SEC24D: variants seen among roughly 807,000 people sequenced by gnomAD.
The protein encoded by SEC24D is protein transport protein Sec24D.
Under a neutral mutation model 116.9 loss-of-function variants are expected in SEC24D, and 69 were observed. The ratio of observed to expected loss-of-function variants is 0.59; its 90% confidence interval spans 0.49 to 0.72. SEC24D has a LOEUF of 0.72. Among genes scored for constraint, SEC24D ranks in the 30% least tolerant of loss-of-function variants. The pLI is 0.00. For missense variants in SEC24D, 1,131 were observed against 1,264.1 expected (o/e 0.89, Z 1.60); for synonymous variants, 405 against 442.8 (o/e 0.91, Z 1.07).
chr4:118,745,062 T>TAAAAA lies in SEC24D; in HGVS notation c.1708-7_1708-3dup. ...CAGCTTCCCAGGACAGTCTGCTGCC[T>TAAAAA]AAAAAAAAAAAAAAACCCAAAAACC... On this transcript the variant is annotated splice_region_variant and splice_polypyrimidine_tract_variant and intron_variant, in intron 13 of 22. Coordinates refer to ENST00000280551, the MANE Select transcript of SEC24D (RefSeq NM_014822.4). 4.1e-6 allele frequency: 5 copies of TAAAAA among 1,233,738 alleles called. No individual in the cohort carries two copies. The highest frequency in any genetic ancestry group is 4.4e-6 in the Non-Finnish European group (4 of 907,874). The allele number at this position is 1,233,738 out of a possible 1,614,324, so 76.4% of individuals were successfully genotyped here. A position where few individuals can be genotyped will look rare whatever the true frequency, so the allele number is the denominator to read the frequency against.
Position 118,815,266 on chromosome 4 carries a change from A to G in SEC24D, c.674-111T>C, listed in dbSNP as rs909212149. On this transcript the variant is annotated intron_variant, in intron 5 of 22. Transcript: ENST00000280551. Reference sequence around the variant, plus strand: ...AGCATGTTGTATTTTTCATCTTATTAAAAAAAGCAAGGAGTCAAGTATGAG... The same window carrying G: ...AGCATGTTGTATTTTTCATCTTATTGAAAAAAGCAAGGAGTCAAGTATGAG... 1.6e-4 allele frequency: 231 copies of G among 1,431,404 alleles called. 1 individual carries two copies. The highest frequency in any genetic ancestry group is 9.9e-4 in the Middle Eastern group (4 of 4,038). 88.7% of individuals were successfully genotyped at this position (1,431,404 alleles called of 1,614,324 possible).
intron 22 of SEC24D, among the ~76,000 whole-genome samples, chr4:118,727,482 G>T (rs972573922): frequency 4.6e-5 from 7 of 152,028 alleles, no homozygotes; most frequent in African/African-American, 1.4e-4. Context: ...GCTTAGTCTT[G>T]CCTCTTTTCT....
At chr4:118,765,375 A>G (rs1260879331) in intron 9 of SEC24D, among the ~76,000 whole-genome samples, 2 of 152,252 alleles carry the variant, frequency 1.3e-5, no homozygotes, top group Non-Finnish European at 2.9e-5. Context: ...TGGAGTTTGC[A>G]TGGTAATCTT....
chr4:118,799,533 C>T (rs919607858), intron 7 of SEC24D, among the ~76,000 whole-genome samples: 26 of 152,122 alleles, frequency 1.7e-4, no homozygotes, highest in African/African-American at 6.3e-4. Flanking sequence ...ACCATGAAAC[C>T]AGGTTAAAAC....
Position 118,745,516 on chromosome 4 carries a change from T to C in SEC24D, c.1708-456A>G, listed in dbSNP as rs573784531. Among the ~76,000 whole-genome samples, 21 of 152,244 alleles carry C rather than the reference T, an allele frequency of 1.4e-4. No homozygotes were observed. In the South Asian group the frequency reaches 4.1e-3, roughly 30 times the overall value. On this transcript the variant is annotated intron_variant, in intron 13 of 22. Coordinates refer to ENST00000280551, the MANE Select transcript of SEC24D (RefSeq NM_014822.4). ...CATGGATTAAAGCTACAGTGGTATT[T>C]TGAGGAAGAATGCATAAGAACGTAG... is the stretch of plus-strand genomic sequence containing the variant.
chr4:118,810,074 C>CTGTGTGTGTGTGTGTGTG lies in SEC24D; in HGVS notation c.802-4138_802-4121dup, dbSNP rs71595321. ...TGGTAAGAGACCAGGTCAGAGGTAG[C>CTGTGTGTGTGTGTGTGTG]TGTGTGTGTGTGTGTGTGTGTGTGT... On this transcript the variant is annotated intron_variant, in intron 6 of 22. Coordinates refer to ENST00000280551, the MANE Select transcript of SEC24D (RefSeq NM_014822.4). Among the ~76,000 whole-genome samples, 151 of 38,608 alleles carry CTGTGTGTGTGTGTGTGTG rather than the reference C, an allele frequency of 3.9e-3. 12 individuals carry two copies. Among genetic ancestry groups the CTGTGTGTGTGTGTGTGTG allele is most frequent in the Non-Finnish European group, 4.8e-3 (97 of 20,320 alleles). The allele number at this position is 38,608 out of a possible 152,430, so 25.3% of individuals were successfully genotyped here. A position where few individuals can be genotyped will look rare whatever the true frequency, so the allele number is the denominator to read the frequency against.
chr4:118,738,112 C>G, intron 19 of SEC24D, 149 bp downstream of exon 19: 1 of 569,930 alleles, frequency 1.8e-6, no homozygotes, highest in Middle Eastern at 3.4e-4. Flanking sequence ...CACAGCCCCC[C>G]CAAATTGCAT....
At chr4:118,787,169 T>C (rs922284703) in intron 8 of SEC24D, among the ~76,000 whole-genome samples, 6 of 152,194 alleles carry the variant, frequency 3.9e-5, no homozygotes, top group Non-Finnish European at 7.3e-5. Context: ...CCAAAAATCT[T>C]AAGAGATGAG....
intron 10 of SEC24D, among the ~76,000 whole-genome samples, chr4:118,761,334 G>T (rs1340100750): frequency 1.3e-5 from 2 of 152,096 alleles, no homozygotes; most frequent in African/African-American, 4.8e-5. Flanking sequence ...TGTCCTCATG[G>T]CCTACTGAAT....
chr4:118,759,331 A>G (rs970503607), intron 10 of SEC24D, among the ~76,000 whole-genome samples: 2 of 152,110 alleles, frequency 1.3e-5, no homozygotes, highest in Non-Finnish European at 2.9e-5. Context: ...TTTCAGAATG[A>G]TTCTTTAACA....
chr4:118,817,981 G>A (rs934162364), intron 3 of SEC24D, among the ~76,000 whole-genome samples: 1 of 151,938 alleles, frequency 6.6e-6, no homozygotes, highest in Non-Finnish European at 1.5e-5. Flanking sequence ...AGACTACAGT[G>A]AGCTGAGACT....
At chr4:118,764,703 G>T in intron 10 of SEC24D, 99 bp downstream of exon 10, 1 of 686,238 alleles carries the variant, frequency 1.5e-6, no homozygotes. Flanking sequence ...CCACCAAAAT[G>T]CTTTGTTTGT....
intron 3 of SEC24D, among the ~76,000 whole-genome samples, chr4:118,822,445 CCAAAAAGAT>C: frequency 6.6e-6 from 1 of 152,220 alleles, no homozygotes; most frequent in Non-Finnish European, 1.5e-5. Context: ...TGGCAATAAA[CCAAAAAGAT>C]CAATCAATTC....
intron 8 of SEC24D, among the ~76,000 whole-genome samples, chr4:118,772,840 T>C (rs1727963269): frequency 6.6e-6 from 1 of 152,168 alleles, no homozygotes; most frequent in South Asian, 2.1e-4. Context: ...ATCACAGGCA[T>C]GGTGCTGGTA....
At chr4:118,727,442 G>A (rs1725470074) in intron 22 of SEC24D, among the ~76,000 whole-genome samples, 1 of 152,104 alleles carries the variant, frequency 6.6e-6, no homozygotes, top group Non-Finnish European at 1.5e-5. Flanking sequence ...CCCTGAAGGA[G>A]GAACTACTGA....
At position 118,791,342 on chromosome 4, in the gene SEC24D, G is replaced by A. The variant is rs145651624; in HGVS notation, c.1041+6341C>T. Among the ~76,000 whole-genome samples, 32 of 152,228 alleles carry A rather than the reference G, an allele frequency of 2.1e-4. No individual in the cohort carries two copies. In the East Asian group the frequency reaches 6.0e-3, roughly 28 times the overall value. On this transcript the variant is annotated intron_variant, in intron 8 of 22. Coordinates refer to ENST00000280551, the MANE Select transcript of SEC24D (RefSeq NM_014822.4). ...ATGAGTAACAGCGCAGTGCTTTAGA[G>A]CACTTTAGACACCAGAGTCTCTGTG...
intron 1 of SEC24D, 30 bp downstream of exon 1, chr4:118,835,911 A>G (rs1196751137): frequency 6.6e-6 from 1 of 152,184 alleles, no homozygotes; most frequent in Non-Finnish European, 1.5e-5. Flanking sequence ...GCTGTCCCGC[A>G]TGAAGGCGTC....
Position 118,745,077 on chromosome 4 carries a change from ACCC to A in SEC24D, c.1708-20_1708-18del. 4.3e-5 allele frequency: 56 copies of A among 1,294,518 alleles called. No individual in the cohort carries two copies. Among genetic ancestry groups the A allele is most frequent in the Middle Eastern group, 1.9e-4 (1 of 5,306 alleles). The allele number at this position is 1,294,518 out of a possible 1,614,324, so 80.2% of individuals were successfully genotyped here. On this transcript the variant is annotated intron_variant, in intron 13 of 22. Transcript: ENST00000280551. ...GTCTGCTGCCTAAAAAAAAAAAAAA[ACCC>A]AAAAACCCACAGAAAATGCCGTGAG...
chr4:118,799,695 A>C (rs977412105), intron 7 of SEC24D, among the ~76,000 whole-genome samples: 7 of 152,168 alleles, frequency 4.6e-5, no homozygotes, highest in African/African-American at 1.7e-4. Context: ...AGTGAAGTGT[A>C]GGATGTGTAT....
Sources: gnomAD v4.1 joint callset for allele counts (sites outside exome capture counted in the v4.1 genomes callset) on GRCh38, gnomAD v4.1.1 for gene constraint, MANE v1.5 for transcripts, NCBI Gene and HGNC (gene_info 2026-07-23, HGNC 2026-07-21) for gene names.